C2orf80: variants seen among roughly 807,000 people sequenced by gnomAD.
The protein encoded by C2orf80 is chromosome 2 open reading frame 80, also known as uncharacterized protein C2orf80.
A neutral mutation model predicts 30.2 loss-of-function variants in C2orf80; 28 were observed. That is an observed-to-expected ratio of 0.93 (90% CI 0.69 to 1.27). The LOEUF (loss-of-function observed/expected upper bound fraction) is 1.27. C2orf80 is among the 50% of genes most tolerant of loss of function. The pLI, the probability that C2orf80 is intolerant of heterozygous loss-of-function variation, is 0.00. For synonymous variants in C2orf80, 80 were observed against 76.4 expected, an observed-to-expected ratio of 1.05 and a Z score of -0.24; for missense variants, 220 against 231.0, an observed-to-expected ratio of 0.95 and a Z score of 0.31.
chr2:208,185,315 C>T (rs529841884), intron 2 of C2orf80, among the ~76,000 whole-genome samples: 31 of 152,270 alleles, frequency 2.0e-4, no homozygotes, highest in African/African-American at 7.0e-4. Context: ...AATACCCACA[C>T]ACAGAAATGG....
At chr2:208,168,521 C>A (rs1259015443) in intron 8 of C2orf80, 1 of 170,598 alleles carries the variant, frequency 5.9e-6, no homozygotes, top group Non-Finnish European at 1.3e-5. Flanking sequence ...ATTAGCCGGG[C>A]GTGGTGGCGG....
In C2orf80 at chr2:208,180,926, A is replaced by G. The variant is rs1696537203; in HGVS notation, c.295-110T>C. 9.9e-6 allele frequency: 9 copies of G among 909,656 alleles called. 1 individual carries two copies. The highest frequency in any genetic ancestry group is 8.3e-5 in the South Asian group (5 of 60,346). 56.3% of individuals were successfully genotyped at this position (909,656 alleles called of 1,614,324 possible). A position where few individuals can be genotyped will look rare whatever the true frequency, so the allele number is the denominator to read the frequency against. On this transcript the variant is annotated intron_variant, in intron 5 of 8. Coordinates refer to ENST00000341287, the MANE Select transcript of C2orf80 (RefSeq NM_001099334.3). Reference sequence around the variant, plus strand: ...ATGTCTAAAACTGTGCTTGGGTATCATAAGTATTAAATACAGTAAATAACT... The same window carrying G: ...ATGTCTAAAACTGTGCTTGGGTATCGTAAGTATTAAATACAGTAAATAACT...
intron 6 of C2orf80, among the ~76,000 whole-genome samples, chr2:208,180,206 T>G (rs375097116): frequency 7.9e-5 from 12 of 152,102 alleles, no homozygotes; most frequent in African/African-American, 2.9e-4. Context: ...CTCCAGTATT[T>G]TAGGAGGCCA....
intron 1 of C2orf80, 102 bp from the exon 2 acceptor site, chr2:208,187,163 T>C (rs1230811898): frequency 8.6e-6 from 5 of 580,352 alleles, no homozygotes; most frequent in Non-Finnish European, 1.5e-5. Flanking sequence ...GAGCACCTCA[T>C]TCAGGCCTCT....
rs1553597398 is a variant in C2orf80, at chr2:208,176,941, C to CTGTATACAGA, written c.366+3803_366+3804insTCTGTATACA. ...TATCTGTATACATATGTATACATAT[C>CTGTATACAGA]TGTATACATATCTGTATACATATGT... On this transcript the variant is annotated intron_variant, in intron 6 of 8. Transcript: ENST00000341287. Among the ~76,000 whole-genome samples, 83 of 30,256 alleles carry CTGTATACAGA rather than the reference C, an allele frequency of 2.7e-3. 6 individuals are homozygous for CTGTATACAGA. The highest frequency in any genetic ancestry group is 7.8e-3 in the African/African-American group (80 of 10,284). 19.8% of individuals were successfully genotyped at this position (30,256 alleles called of 152,430 possible).
At chr2:208,184,875 T>C in intron 3 of C2orf80, 76 bp downstream of exon 3, 1 of 1,229,682 alleles carries the variant, frequency 8.1e-7, no homozygotes, top group South Asian at 1.2e-5. Flanking sequence ...GTTTATTGTA[T>C]AAATAAGATC....
intron 8 of C2orf80, 38 bp downstream of exon 8, chr2:208,170,907 T>C (rs1359017089): frequency 6.7e-7 from 1 of 1,499,864 alleles, no homozygotes; most frequent in African/African-American, 1.4e-5. Flanking sequence ...CCAAAATAGC[T>C]GGTATCAGTT....
chr2:208,168,908 T>C (rs1696000012), intron 8 of C2orf80, among the ~76,000 whole-genome samples: 1 of 151,336 alleles, frequency 6.6e-6, no homozygotes, highest in African/African-American at 2.4e-5. Context: ...TTGATCACTA[T>C]AGACAGGGCA....
chr2:208,178,335 A>C (rs184956056), intron 6 of C2orf80, among the ~76,000 whole-genome samples: 92 of 152,278 alleles, frequency 6.0e-4, no homozygotes, highest in African/African-American at 2.1e-3. Context: ...CCAGAAGGTG[A>C]CAGGGAGAAA....
chr2:208,170,141 G>A (rs62194833), intron 8 of C2orf80, among the ~76,000 whole-genome samples: 13,142 of 152,076 alleles, frequency 0.086, 644 homozygotes, highest in South Asian at 0.16. Flanking sequence ...TCCCTTCCCC[G>A]TTTTCTACCT....
rs375128841 is a variant in C2orf80 at position 208,179,509 on chromosome 2, C to T, written c.366+1236G>A. Among the ~76,000 whole-genome samples, 33 of 152,306 alleles carry T rather than the reference C, an allele frequency of 2.2e-4. No homozygotes were observed. The East Asian group carries it at 2.9e-3, about 13-fold the overall frequency. On this transcript the variant is annotated intron_variant, in intron 6 of 8. Transcript: ENST00000341287. ...ACCTGGGCGTGAGGACGTTGGTGCC[C>T]CCCTTCCCCCCTCCCACTGCATGGC... is the stretch of plus-strand genomic sequence containing the variant.
At chr2:208,186,903 A>G in intron 2 of C2orf80, 43 bp downstream of exon 2, 1 of 1,560,090 alleles carries the variant, frequency 6.4e-7, no homozygotes. Context: ...AATCCACCGA[A>G]TGCCAAGTGT....
rs955338048 is a variant in C2orf80, at chr2:208,165,545, C to T, written c.*262G>A. The T allele has an allele frequency of 2.5e-6, 1 of 406,776 alleles. No homozygotes were observed. The highest frequency in any genetic ancestry group is 4.4e-6 in the Non-Finnish European group (1 of 227,104). 25.2% of individuals were successfully genotyped at this position (406,776 alleles called of 1,614,324 possible). A position where few individuals can be genotyped will look rare whatever the true frequency, so the allele number is the denominator to read the frequency against. The stretch of plus-strand genomic sequence containing the variant: ...GCCAGCTTGCTCTAACACAGAAATA[C>T]TATATACTTTCTGAATTCTCCAGCA... On this transcript the variant is annotated 3_prime_UTR_variant, in exon 9 of 9. Coordinates refer to ENST00000341287, the MANE Select transcript of C2orf80 (RefSeq NM_001099334.3).
chr2:208,185,563 A>C (rs528417468), intron 2 of C2orf80, among the ~76,000 whole-genome samples: 1 of 152,188 alleles, frequency 6.6e-6, no homozygotes, highest in African/African-American at 2.4e-5. Context: ...CTTTCCTAAC[A>C]GTGACTTTTA....
At chr2:208,173,863 G>A (rs1696192907) in intron 6 of C2orf80, among the ~76,000 whole-genome samples, 1 of 152,054 alleles carries the variant, frequency 6.6e-6, no homozygotes, top group African/African-American at 2.4e-5. Flanking sequence ...TTGTTTGTTT[G>A]CTTGGTCTTT....
At chr2:208,173,101 AAG>A (rs567098273) in intron 6 of C2orf80, among the ~76,000 whole-genome samples, 1,817 of 143,360 alleles carry the variant, frequency 0.013, 17 homozygotes, top group Middle Eastern at 0.028. Flanking sequence ...CCTGGGCAAC[AAG>A]AGTTAAAACC....
rs1696341720 is a variant in C2orf80, at chr2:208,176,941, CT to C, written c.366+3803del. Among the ~76,000 whole-genome samples, 11 of 30,208 alleles carry C rather than the reference CT, an allele frequency of 3.6e-4. 1 individual carries two copies. Among genetic ancestry groups the C allele is most frequent in the Non-Finnish European group, 7.4e-4 (7 of 9,418 alleles). 19.8% of individuals were successfully genotyped at this position (30,208 alleles called of 152,430 possible). Reference sequence around the variant, plus strand: ...TATCTGTATACATATGTATACATATCTGTATACATATCTGTATACATATGTA... The same window carrying C: ...TATCTGTATACATATGTATACATATCGTATACATATCTGTATACATATGTA... On this transcript the variant is annotated intron_variant, in intron 6 of 8. Transcript: ENST00000341287.
chr2:208,186,901 G>A lies in C2orf80; in HGVS notation c.41+45C>T, dbSNP rs111354883. On this transcript the variant is annotated intron_variant, in intron 2 of 8. Transcript: ENST00000341287. Reference sequence around the variant, plus strand: ...AGCCATCTATGACATGAAATCCACCGAATGCCAAGTGTCATAAATGAAAGT... The same window carrying A: ...AGCCATCTATGACATGAAATCCACCAAATGCCAAGTGTCATAAATGAAAGT... 9.5e-5 allele frequency: 148 copies of A among 1,554,396 alleles called. No homozygotes were observed. The African/African-American group carries it at 1.1e-3, about 12-fold the overall frequency.
intron 8 of C2orf80, among the ~76,000 whole-genome samples, chr2:208,168,851 A>G (rs2105890203): frequency 6.7e-6 from 1 of 149,360 alleles, no homozygotes; most frequent in East Asian, 2.0e-4. Flanking sequence ...CTGGGCTCGC[A>G]AGCATCAATC....
Sources: allele counts gnomAD v4.1 joint callset (sites outside exome capture counted in the v4.1 genomes callset), GRCh38; gene constraint gnomAD v4.1.1; transcripts MANE v1.5; gene names NCBI Gene and HGNC (gene_info 2026-07-23, HGNC 2026-07-21).